Variants in FCRL2 observed in about 807,000 individuals in gnomAD.
FCRL2 encodes the protein Fc receptor-like protein 2.
In FCRL2, 48 loss-of-function variants were observed where a neutral mutation model predicts 59.8. The observed-to-expected ratio is 0.80, with a 90% CI of 0.64 to 1.02. FCRL2 has a LOEUF of 1.02. FCRL2 is among the 50% of genes least tolerant of loss of function. The probability of loss-of-function intolerance (pLI) is 0.00; values close to 1 mark genes in which losing one functional copy is unlikely to be tolerated. For synonymous variants in FCRL2, 251 were observed against 229.5 expected, an observed-to-expected ratio of 1.09 and a Z score of -0.85; for missense variants, 658 against 597.3, an observed-to-expected ratio of 1.10 and a Z score of -1.06.
intron 7 of FCRL2, among the ~76,000 whole-genome samples, chr1:157,760,758 G>GAAAGAAAGAAAGAAAGAAA: frequency 8.1e-6 from 1 of 124,028 alleles, no homozygotes; most frequent in Non-Finnish European, 1.8e-5. Context: ...AAAGAAAGAA[G>GAAAGAAAGAAAGAAAGAAA]AAAGAATGAA....
chr1:157,774,580 C>T (rs964053926), intron 2 of FCRL2: 26 of 409,890 alleles, frequency 6.3e-5, no homozygotes, highest in African/African-American at 3.7e-4. Flanking sequence ...GTAGGTGATT[C>T]ACTTCAGGGA....
intron 4 of FCRL2, 103 bp from the exon 5 acceptor site, chr1:157,768,804 G>T: frequency 2.7e-6 from 3 of 1,125,140 alleles, no homozygotes; most frequent in Non-Finnish European, 3.8e-6. Context: ...TGTGGAGATT[G>T]TATAGATAAT....
chr1:157,768,303 G>T (rs1460508993), intron 5 of FCRL2, 111 bp downstream of exon 5: 1 of 1,118,696 alleles, frequency 8.9e-7, no homozygotes, highest in Non-Finnish European at 1.3e-6. Context: ...AATTGCTTTT[G>T]GTTCTCCACA....
rs1647945540 is a variant in FCRL2 at position 157,748,638 on chromosome 1, G to A, written c.1394-20C>T. The stretch of plus-strand genomic sequence containing the variant: ...AGCCCACTGCAGGGAGAAGACAAGA[G>A]TTCACAGATGTTGGTGGCCCAGGGT... On this transcript the variant is annotated intron_variant, in intron 9 of 11. Transcript: ENST00000361516. The A allele has an allele frequency of 1.2e-6, 2 of 1,609,480 alleles. No individual in the cohort carries two copies. Among genetic ancestry groups the A allele is most frequent in the Middle Eastern group, 1.6e-4 (1 of 6,074 alleles).
intron 2 of FCRL2, chr1:157,774,296 G>C: frequency 2.7e-6 from 1 of 373,294 alleles, no homozygotes; most frequent in Admixed American, 3.5e-5. Flanking sequence ...CAACAGGCCA[G>C]AAACTTTTCC....
At chr1:157,757,339 A>G (rs564918572) in intron 7 of FCRL2, among the ~76,000 whole-genome samples, 1 of 152,318 alleles carries the variant, frequency 6.6e-6, no homozygotes, top group Admixed American at 6.5e-5. Flanking sequence ...TTTAAGTGAG[A>G]TCATAAGGGT....
In FCRL2 at chr1:157,749,625, A is replaced by C. The variant is rs1648029252; in HGVS notation, c.1307+25T>G. ...GAATGAAGGAGACCTCTAGAATTAA[A>C]ATTTTTACTAGGAAGAGTTCTCACC... On this transcript the variant is annotated intron_variant, in intron 8 of 11. Coordinates refer to ENST00000361516, the MANE Select transcript of FCRL2 (RefSeq NM_030764.4). 3 of 1,589,008 alleles carry C rather than the reference A, an allele frequency of 1.9e-6. No individual in the cohort carries two copies. In the South Asian group the frequency reaches 3.4e-5, roughly 18 times the overall value.
chr1:157,764,477 A>G (rs1413786460), intron 7 of FCRL2, among the ~76,000 whole-genome samples: 2 of 152,260 alleles, frequency 1.3e-5, no homozygotes, highest in South Asian at 4.1e-4. Flanking sequence ...AAATAGCCTT[A>G]ACAGGCATTT....
chr1:157,770,167 C>T lies in FCRL2; in HGVS notation c.311-17G>A. On this transcript the variant is annotated splice_polypyrimidine_tract_variant and intron_variant, in intron 3 of 11. Coordinates refer to ENST00000361516, the MANE Select transcript of FCRL2 (RefSeq NM_030764.4). ...GAAAGAGCTCTAGAGAGAAGGATCA[C>T]AATAGTCCCCAAAGCAGTGACAGCT... The T allele has an allele frequency of 6.2e-7, 1 of 1,607,624 alleles. No homozygotes were observed. The highest frequency in any genetic ancestry group is 1.3e-5 in the African/African-American group (1 of 74,862).
chr1:157,777,109 T>C lies in FCRL2; in HGVS notation c.-36A>G. The C allele has an allele frequency of 6.2e-7, 1 of 1,614,184 alleles. No homozygotes were observed. The highest frequency in any genetic ancestry group is 8.5e-7 in the Non-Finnish European group (1 of 1,180,004). Reference sequence around the variant, plus strand: ...TCCAGCTATTTGAAAAGAGATGTACTCTTGGTCACCAACTGGAGACTCTGA... The same window carrying C: ...TCCAGCTATTTGAAAAGAGATGTACCCTTGGTCACCAACTGGAGACTCTGA... On this transcript the variant is annotated 5_prime_UTR_variant, in exon 1 of 12. Coordinates refer to ENST00000361516, the MANE Select transcript of FCRL2 (RefSeq NM_030764.4).
chr1:157,770,733 G>A (rs964384647), intron 2 of FCRL2, 67 bp from the exon 3 acceptor site: 1 of 1,564,672 alleles, frequency 6.4e-7, no homozygotes, highest in African/African-American at 1.4e-5. Flanking sequence ...TCCATTGGCA[G>A]TGAGGTGGTC....
Position 157,766,843 on chromosome 1 carries a change from G to A in FCRL2, c.1279+12C>T. The A allele has an allele frequency of 6.2e-7, 1 of 1,614,034 alleles. No individual in the cohort carries two copies. Among genetic ancestry groups the A allele is most frequent in the African/African-American group, 1.3e-5 (1 of 74,998 alleles). The stretch of plus-strand genomic sequence containing the variant: ...ATAGCAAAATATGGAGAATCCAAAT[G>A]GTAGATACAACCTGATATCTTGTGG... On this transcript the variant is annotated intron_variant, in intron 7 of 11. Coordinates refer to ENST00000361516, the MANE Select transcript of FCRL2 (RefSeq NM_030764.4).
chr1:157,756,214 G>A (rs995232404), intron 7 of FCRL2, among the ~76,000 whole-genome samples: 1 of 152,152 alleles, frequency 6.6e-6, no homozygotes, highest in African/African-American at 2.4e-5. Flanking sequence ...AATGATTTAG[G>A]GTATGGCTAA....
intron 7 of FCRL2, among the ~76,000 whole-genome samples, chr1:157,759,039 T>C (rs1447171183): frequency 6.6e-6 from 1 of 152,158 alleles, no homozygotes; most frequent in Non-Finnish European, 1.5e-5. Context: ...ATAATCTCAA[T>C]GTGTTGTGGG....
At chr1:157,771,799 C>T (rs1257840365) in intron 2 of FCRL2, among the ~76,000 whole-genome samples, 3 of 152,050 alleles carry the variant, frequency 2.0e-5, no homozygotes, top group Non-Finnish European at 2.9e-5. Context: ...AAAAATCTTT[C>T]CTGTCACTAT....
chr1:157,748,071 C>T (rs1427480641), intron 10 of FCRL2, among the ~76,000 whole-genome samples: 2 of 152,004 alleles, frequency 1.3e-5, no homozygotes, highest in African/African-American at 4.8e-5. Context: ...CCAGGTGTCT[C>T]TTGCTCCCTC....
At chr1:157,770,999 G>C (rs61691958) in intron 2 of FCRL2, among the ~76,000 whole-genome samples, 24,061 of 152,074 alleles carry the variant, frequency 0.16, 1,964 homozygotes, top group East Asian at 0.23. Flanking sequence ...CCAACTTTTC[G>C]CTCTACCGTC....
At chr1:157,775,234 T>C (rs1650312404) in intron 2 of FCRL2, among the ~76,000 whole-genome samples, 1 of 152,202 alleles carries the variant, frequency 6.6e-6, no homozygotes, top group Non-Finnish European at 1.5e-5. Flanking sequence ...ACCACAGCAA[T>C]GGCATTGAGT....
chr1:157,761,706 A>AT (rs1161263657), intron 7 of FCRL2, among the ~76,000 whole-genome samples: 2 of 151,948 alleles, frequency 1.3e-5, no homozygotes, highest in South Asian at 2.1e-4. Context: ...GTCACTGGTA[A>AT]TTTTTTTTGA....
Sources: allele counts gnomAD v4.1 joint callset (sites outside exome capture counted in the v4.1 genomes callset), GRCh38; gene constraint gnomAD v4.1.1; transcripts MANE v1.5; gene names NCBI Gene and HGNC (gene_info 2026-07-23, HGNC 2026-07-21).